APOC1: variants seen among roughly 807,000 people sequenced by gnomAD.
APOC1 encodes the protein apolipoprotein C1, also known as apolipoprotein C-I.
A neutral mutation model predicts 6.7 loss-of-function variants in APOC1; 4 were observed. That is an observed-to-expected ratio of 0.60 (90% confidence interval 0.29 to 1.37). The LOEUF is 1.37. Among genes scored for constraint, APOC1 ranks in the 40% most tolerant of loss-of-function variants. APOC1 has a pLI of 0.09. For missense variants in APOC1, 122 were observed against 99.4 expected (o/e 1.23, Z -0.97); for synonymous variants, 33 against 40.6 (o/e 0.81, Z 0.72).
At chr19:44,917,417 A>G (rs1970028565) in intron 3 of APOC1, among the ~76,000 whole-genome samples, 2 of 152,000 alleles carry the variant, frequency 1.3e-5, no homozygotes, top group African/African-American at 2.4e-5. Context: ...CCTAATAGAA[A>G]TGCAAAAAAA....
chr19:44,914,946 G>T lies in APOC1; in HGVS notation c.55G>T (p.Glu19Ter), dbSNP rs1969977371. 1.2e-6 allele frequency: 2 copies of T among 1,612,278 alleles called. No individual in the cohort carries two copies. Among genetic ancestry groups the T allele is most frequent in the African/African-American group, 2.7e-5 (2 of 74,892 alleles). The change falls in exon 2 of 4, where the codon GAA becomes TAA. Residue 19 changes from glutamate (E) to a stop codon, truncating the protein, a stop_gained. Coordinates refer to ENST00000592535, the MANE Select transcript of APOC1 (RefSeq NM_001645.5). LOFTEE classifies it high-confidence loss of function. ...VLVVVLSIVL[E>*]GPAPAQGTPD... ...GGTGGTGGTTCTGTCGATCGTCTTG[G>T]AAGGTAAAAGTGGGATGGGAGAATT... is the stretch of plus-strand genomic sequence containing the variant.
Position 44,916,238 on chromosome 19 carries a change from A to AGCT in APOC1, c.109_111dup (p.Leu37dup). The AGCT allele has an allele frequency of 6.2e-7, 1 of 1,613,314 alleles. No homozygotes were observed. The highest frequency in any genetic ancestry group is 8.5e-7 in the Non-Finnish European group (1 of 1,179,820). On this transcript the variant is annotated inframe_insertion, in exon 3 of 4. Coordinates refer to ENST00000592535, the MANE Select transcript of APOC1 (RefSeq NM_001645.5). ...CCAGACGTCTCCAGTGCCTTGGATA[A>AGCT]GCTGAAGGAGTTTGGAAACACACTG...
upstream of APOC1, chr19:44,914,361 C>A (rs72654449): frequency 3.3e-3 from 484 of 148,906 alleles, 2 homozygotes; most frequent in Middle Eastern, 0.037. Flanking sequence ...TGCCCATTCC[C>A]CGAACGAATA....
upstream of APOC1, chr19:44,914,556 A>G (rs551830111): frequency 6.3e-6 from 2 of 316,290 alleles, no homozygotes; most frequent in South Asian, 8.3e-5. Flanking sequence ...CCTGACCCCA[A>G]CGCTCACGGG....
chr19:44,919,053 A>T, intron 3 of APOC1, 120 bp from the exon 4 acceptor site: 1 of 922,150 alleles, frequency 1.1e-6, no homozygotes, highest in South Asian at 1.5e-5. Flanking sequence ...TCCTAATCCC[A>T]CAGACAGTGG....
upstream of APOC1, chr19:44,914,362 C>G (rs1969965718): frequency 6.8e-6 from 1 of 148,098 alleles, no homozygotes; most frequent in Admixed American, 6.5e-5. Context: ...GCCCATTCCC[C>G]GAACGAATAA....
At chr19:44,919,146 G>C in intron 3 of APOC1, 27 bp from the exon 4 acceptor site, 1 of 1,605,354 alleles carries the variant, frequency 6.2e-7, no homozygotes, top group Non-Finnish European at 8.5e-7. Context: ...TGCACACAGT[G>C]ACCCCCTTCC....
chr19:44,916,325 G>A lies in APOC1; in HGVS notation c.194G>A (p.Arg65Gln), dbSNP rs531411684. ...CAGAGTGAACTTTCTGCCAAGATGC[G>A]GTTAGAACCCTTCCCAGGGCACGGG... ...IKQSELSAKM[R>Q]EWFSETFQKV... is the part of the protein sequence containing the mutation. The change falls in exon 3 of 4, where the codon CGG becomes CAG. Residue 65 changes from arginine to glutamine, a missense_variant and splice_region_variant. Coordinates refer to ENST00000592535, the MANE Select transcript of APOC1 (RefSeq NM_001645.5). 17 of 1,613,568 alleles carry A rather than the reference G, an allele frequency of 1.1e-5. No individual in the cohort carries two copies. The African/African-American group carries it at 1.3e-4, about 13-fold the overall frequency.
Position 44,919,265 on chromosome 19 carries a change from G to C in APOC1, c.*35G>C. 6.3e-6 allele frequency: 10 copies of C among 1,598,350 alleles called. No homozygotes were observed. The highest frequency in any genetic ancestry group is 8.6e-6 in the Non-Finnish European group (10 of 1,165,796). On this transcript the variant is annotated 3_prime_UTR_variant, in exon 4 of 4. Coordinates refer to ENST00000592535, the MANE Select transcript of APOC1 (RefSeq NM_001645.5). Reference sequence around the variant, plus strand: ...GGGTGACATCCCAGGAGGGGCCTCTGAAATTTCCCACACCCCAGCGCCTGT... The same window carrying C: ...GGGTGACATCCCAGGAGGGGCCTCTCAAATTTCCCACACCCCAGCGCCTGT...
At chr19:44,916,147 A>AAAAAAAT in intron 2 of APOC1, 43 bp from the exon 3 acceptor site, 1 of 1,507,600 alleles carries the variant, frequency 6.6e-7, no homozygotes, top group Non-Finnish European at 8.9e-7. Flanking sequence ...CAAAAAAAAA[A>AAAAAAAT]AAAAAAAAAC....
At chr19:44,918,337 C>CTTTTTT (rs1200008263) in intron 3 of APOC1, among the ~76,000 whole-genome samples, 24 of 90,314 alleles carry the variant, frequency 2.7e-4, no homozygotes, top group South Asian at 8.4e-4. Flanking sequence ...TGAAGTGTTT[C>CTTTTTT]TTTTTTTTTT....
At position 44,916,325 on chromosome 19, in the gene APOC1, G is replaced by T. The variant is rs531411684; in HGVS notation, c.194G>T (p.Arg65Leu). 6.2e-7 allele frequency: 1 copy of T among 1,613,450 alleles called. No individual in the cohort carries two copies. Among genetic ancestry groups the T allele is most frequent in the Non-Finnish European group, 8.5e-7 (1 of 1,179,924 alleles). The change falls in exon 3 of 4, where the codon CGG (arginine) becomes CTG (leucine). Residue 65 changes from arginine (R) to leucine (L), a missense_variant and splice_region_variant. Arg to Leu is a moderately radical substitution (Grantham distance 102). Transcript: ENST00000592535. Reference sequence around the variant, plus strand: ...CAGAGTGAACTTTCTGCCAAGATGCGGTTAGAACCCTTCCCAGGGCACGGG... The same window carrying T: ...CAGAGTGAACTTTCTGCCAAGATGCTGTTAGAACCCTTCCCAGGGCACGGG... Reference protein sequence around the residue: ...IKQSELSAKMREWFSETFQKV... With the variant: ...IKQSELSAKMLEWFSETFQKV...
intron 3 of APOC1, 50 bp downstream of exon 3, chr19:44,916,375 G>C: frequency 6.2e-6 from 10 of 1,606,290 alleles, no homozygotes; most frequent in Non-Finnish European, 8.5e-6. Context: ...TTTTTGGGTG[G>C]AGCCCTGGCA....
rs531987620 is a variant in APOC1, at chr19:44,918,657, G to A, written c.195-516G>A. Among the ~76,000 whole-genome samples the A allele has an allele frequency of 1.1e-4, 16 of 152,026 alleles. No individual in the cohort carries two copies. In the South Asian group the frequency reaches 1.2e-3, roughly 12 times the overall value. The stretch of plus-strand genomic sequence containing the variant: ...CTCCCAAAGTGCTGGGATTACAGGC[G>A]TGAGCCACGGCGCCCGGCCTTATTT... On this transcript the variant is annotated intron_variant, in intron 3 of 3. Coordinates refer to ENST00000592535, the MANE Select transcript of APOC1 (RefSeq NM_001645.5).
At chr19:44,917,510 C>T (rs1282908953) in intron 3 of APOC1, among the ~76,000 whole-genome samples, 1 of 151,902 alleles carries the variant, frequency 6.6e-6, no homozygotes, top group Non-Finnish European at 1.5e-5. Flanking sequence ...CCCAGGAGAT[C>T]TAGGCTGCAG....
At chr19:44,916,103 C>T in intron 2 of APOC1, 87 bp from the exon 3 acceptor site, 1 of 1,397,534 alleles carries the variant, frequency 7.2e-7, no homozygotes, top group East Asian at 2.6e-5. Context: ...TGCCACTGCA[C>T]TCCAGCTTGG....
intron 2 of APOC1, among the ~76,000 whole-genome samples, chr19:44,915,914 A>T (rs1042282371): frequency 1.3e-5 from 2 of 150,472 alleles, no homozygotes; most frequent in Non-Finnish European, 3.0e-5. Flanking sequence ...GGTTGCAGTG[A>T]GCCGAGATCA....
intron 2 of APOC1, chr19:44,915,260 A>T: frequency 2.6e-6 from 1 of 378,902 alleles, no homozygotes. Flanking sequence ...GTGCTGAGTA[A>T]GGCAATTCCC....
At chr19:44,915,173 A>G (rs1177149126) in intron 2 of APOC1, 2 of 587,204 alleles carry the variant, frequency 3.4e-6, no homozygotes, top group South Asian at 4.0e-5. Context: ...ATTGAGGCCC[A>G]CACCTCTGGG....
Sources: gnomAD v4.1 joint callset for allele counts (sites outside exome capture counted in the v4.1 genomes callset) on GRCh38, gnomAD v4.1.1 for gene constraint, MANE v1.5 for transcripts, NCBI Gene and HGNC (gene_info 2026-07-23, HGNC 2026-07-21) for gene names.